Variants in IRF4 observed in about 807,000 individuals in gnomAD.
IRF4 encodes the protein interferon regulatory factor 4.
A neutral mutation model predicts 55.5 loss-of-function variants in IRF4; 13 were observed. The ratio of observed to expected loss-of-function variants is 0.23; its 90% CI spans 0.15 to 0.37. The LOEUF (loss-of-function observed/expected upper bound fraction) is 0.37. IRF4 is among the 10% of genes least tolerant of loss of function. The pLI is 1.00. For missense variants in IRF4, 397 were observed against 593.8 expected, an observed-to-expected ratio of 0.67 and a Z score of 3.44; for synonymous variants, 249 against 240.7, an observed-to-expected ratio of 1.03 and a Z score of -0.32.
chr6:399,502 T>TG (rs1554107052), intron 6 of IRF4, among the ~76,000 whole-genome samples: 6 of 144,352 alleles, frequency 4.2e-5, no homozygotes, highest in Non-Finnish European at 9.0e-5. Context: ...GTTTTATTTC[T>TG]AAAAAAAAAA....
intron 5 of IRF4, 42 bp from the exon 6 acceptor site, chr6:398,786 C>T: frequency 6.8e-7 from 1 of 1,479,378 alleles, no homozygotes; most frequent in South Asian, 1.2e-5. Flanking sequence ...GTGCGTCGGA[C>T]TCTCTGTCTA....
intron 5 of IRF4, 118 bp from the exon 6 acceptor site, chr6:398,710 G>A (rs1761327416): frequency 3.2e-6 from 2 of 633,426 alleles, no homozygotes; most frequent in East Asian, 5.7e-5. Flanking sequence ...GGAGTGGGTG[G>A]GAAGGTGATT....
Position 398,858 on chromosome 6 carries a change from G to C in IRF4, c.668G>C (p.Cys223Ser). 1 of 1,613,790 alleles carries C rather than the reference G, an allele frequency of 6.2e-7. No individual in the cohort carries two copies. Among genetic ancestry groups the C allele is most frequent in the Non-Finnish European group, 8.5e-7 (1 of 1,179,840 alleles). ...CAGGTGACAGGAACCTTTTATGCTT[G>C]TGCCCCACCTGAGTCCCAGGCTCCC... ...GCQVTGTFYACAPPESQAPGV... is the reference protein window; with the variant it reads ...GCQVTGTFYASAPPESQAPGV... The change falls in exon 6 of 9, where the codon TGT (cysteine) becomes TCT (serine). Residue 223 changes from cysteine to serine, a missense_variant. Cys to Ser is a moderately radical substitution (Grantham distance 112, BLOSUM62 -1). This residue lies in a region of IRF4 where 341 missense variants were observed against 548.1 expected (regional missense o/e 0.62). Coordinates refer to ENST00000380956, the MANE Select transcript of IRF4 (RefSeq NM_002460.4).
rs1211230882 is a variant in IRF4 at position 393,623 on chromosome 6, G to T, written c.216+255G>T. On this transcript the variant is annotated intron_variant, in intron 2 of 8. Coordinates refer to ENST00000380956, the MANE Select transcript of IRF4 (RefSeq NM_002460.4). The surrounding 1 kb of genome is among the most constrained non-coding windows in gnomAD (Gnocchi z 5.4). ...GGGAAACCGCTGAAGGCCCGGCCGGGCCCGGGGAAGGGCGGCCAAAGGCTT... is the reference window on the plus strand; with the variant it reads ...GGGAAACCGCTGAAGGCCCGGCCGGTCCCGGGGAAGGGCGGCCAAAGGCTT... Among the ~76,000 whole-genome samples, 2 of 152,152 alleles carry T rather than the reference G, an allele frequency of 1.3e-5. No homozygotes were observed. Among genetic ancestry groups the T allele is most frequent in the Admixed American group, 6.5e-5 (1 of 15,286 alleles).
rs748029348 is a variant in IRF4 at position 393,152 on chromosome 6, C to T, written c.-1C>T. The T allele has an allele frequency of 1.4e-5, 21 of 1,548,524 alleles. No individual in the cohort carries two copies. The highest frequency in any genetic ancestry group is 2.4e-5 in the East Asian group (1 of 40,952). On this transcript the variant is annotated 5_prime_UTR_variant, in exon 2 of 9. Transcript: ENST00000380956. The surrounding 1 kb of genome is among the most constrained non-coding windows in gnomAD (Gnocchi z 5.4). ...GCGCGGGCGCGGACGGCACGCGGGG[C>T]ATGAACCTGGAGGGCGGCGGCCGAG...
At chr6:398,994 T>A in intron 6 of IRF4, 59 bp downstream of exon 6, 1 of 1,234,018 alleles carries the variant, frequency 8.1e-7, no homozygotes, top group Non-Finnish European at 1.2e-6. Flanking sequence ...CTGCCAGCTC[T>A]GTCATCTTTG....
chr6:404,082 C>A (rs917229022), intron 7 of IRF4, among the ~76,000 whole-genome samples: 4 of 152,202 alleles, frequency 2.6e-5, no homozygotes, highest in Non-Finnish European at 5.9e-5. Flanking sequence ...TAGGGACAGC[C>A]CCCAGGGCCC....
intron 7 of IRF4, among the ~76,000 whole-genome samples, chr6:403,878 T>G (rs2127441364): frequency 6.6e-6 from 1 of 152,244 alleles, no homozygotes; most frequent in East Asian, 1.9e-4. Context: ...TTAGCCTGTG[T>G]AGGTGTAGTC....
At chr6:401,802 A>C (rs1561716269) in intron 7 of IRF4, 25 bp downstream of exon 7, 1 of 1,601,948 alleles carries the variant, frequency 6.2e-7, no homozygotes. Context: ...TATCTGTTAG[A>C]ATGGAGGTGG....
Position 408,248 on chromosome 6 carries a change from T to C in IRF4, c.*650T>C. 1 of 232,392 alleles carries C rather than the reference T, an allele frequency of 4.3e-6. No individual in the cohort carries two copies. Among genetic ancestry groups the C allele is most frequent in the African/African-American group, 2.2e-5 (1 of 45,382 alleles). The allele number at this position is 232,392 out of a possible 1,614,324, so 14.4% of individuals were successfully genotyped here. Reference sequence around the variant, plus strand: ...CACACGTAAAAGAAATGTATTAATGTATGTAGGAGCTGCAGTTCTTGTGGA... The same window carrying C: ...CACACGTAAAAGAAATGTATTAATGCATGTAGGAGCTGCAGTTCTTGTGGA... On this transcript the variant is annotated 3_prime_UTR_variant, in exon 9 of 9. Transcript: ENST00000380956.
In IRF4 at chr6:403,492, G is replaced by A. The variant is rs536393814; in HGVS notation, c.1100-1526G>A. On this transcript the variant is annotated intron_variant, in intron 7 of 8. Coordinates refer to ENST00000380956, the MANE Select transcript of IRF4 (RefSeq NM_002460.4). ...TGCTGGGCGTTTTTAGGGAGGTAGAGCCCCCGTGGTGACTAAGCTGGAAGG... is the reference window on the plus strand; with the variant it reads ...TGCTGGGCGTTTTTAGGGAGGTAGAACCCCCGTGGTGACTAAGCTGGAAGG... Among the ~76,000 whole-genome samples, 5 of 152,334 alleles carry A rather than the reference G, an allele frequency of 3.3e-5. No homozygotes were observed. In the East Asian group the frequency reaches 7.7e-4, roughly 23 times the overall value.
At chr6:404,414 C>A (rs888789539) in intron 7 of IRF4, among the ~76,000 whole-genome samples, 1 of 152,178 alleles carries the variant, frequency 6.6e-6, no homozygotes, top group African/African-American at 2.4e-5. Context: ...TGGAGACAGG[C>A]AAGAAGTCTA....
In IRF4 at chr6:391,806, C is replaced by G; in HGVS notation, c.-59C>G. On this transcript the variant is annotated 5_prime_UTR_variant, in exon 1 of 9. Transcript: ENST00000380956. ...GCTGCCCTCAGCTCCGAGTCCAGGG[C>G]GAGGTAAGGGCTGGAGTCGGGCAGG... The G allele has an allele frequency of 2.2e-6, 1 of 456,012 alleles. No individual in the cohort carries two copies. The highest frequency in any genetic ancestry group is 4.4e-6 in the Non-Finnish European group (1 of 226,886). 28.2% of individuals were successfully genotyped at this position (456,012 alleles called of 1,614,324 possible).
At position 411,040 on chromosome 6, in the gene IRF4, A is replaced by G. The variant is rs538779996; in HGVS notation, c.*3442A>G. 8.6e-5 allele frequency: 20 copies of G among 233,524 alleles called. No homozygotes were observed. The highest frequency in any genetic ancestry group is 4.4e-4 in the African/African-American group (20 of 45,452). 14.5% of individuals were successfully genotyped at this position (233,524 alleles called of 1,614,324 possible). On this transcript the variant is annotated 3_prime_UTR_variant, in exon 9 of 9. Coordinates refer to ENST00000380956, the MANE Select transcript of IRF4 (RefSeq NM_002460.4). ...TTCACAGCTTTGAGGAACATGCATA[A>G]GAAATGTAGCTGAAGTAGAGGGGAC...
chr6:394,612 G>A (rs999700699), intron 2 of IRF4, among the ~76,000 whole-genome samples: 16 of 152,178 alleles, frequency 1.1e-4, no homozygotes, highest in African/African-American at 3.9e-4. Context: ...AGCCAGGCAT[G>A]GTGGTGAACA....
chr6:407,346 A>T (rs1444080645), intron 8 of IRF4, 109 bp from the exon 9 acceptor site: 32 of 1,076,736 alleles, frequency 3.0e-5, no homozygotes, highest in Non-Finnish European at 3.4e-5. Flanking sequence ...GTGTTCTAGG[A>T]TGTAACTTTG....
intron 7 of IRF4, 22 bp from the exon 8 acceptor site, chr6:404,996 T>C (rs1298909318): frequency 1.3e-6 from 2 of 1,496,384 alleles, no homozygotes; most frequent in Non-Finnish European, 9.3e-7. Flanking sequence ...GAACATGGTC[T>C]CTTTCTTGTG....
intron 2 of IRF4, among the ~76,000 whole-genome samples, chr6:394,143 A>G (rs1229056317): frequency 2.6e-5 from 4 of 152,136 alleles, no homozygotes; most frequent in Non-Finnish European, 5.9e-5. Flanking sequence ...TTTGGTCTCA[A>G]TTTGCTCTCA....
intron 1 of IRF4, among the ~76,000 whole-genome samples, chr6:392,823 G>A (rs2127435814): frequency 6.6e-6 from 1 of 152,336 alleles, no homozygotes; most frequent in Non-Finnish European, 1.5e-5. Context: ...CGTGTCGGGA[G>A]CCTTTGGGCT....
Sources: gnomAD v4.1 joint callset for allele counts (sites outside exome capture counted in the v4.1 genomes callset) on GRCh38, gnomAD v4.1.1 for gene constraint, gnomAD v4.1.1 regional missense constraint, Gnocchi (gnomAD v3.1) non-coding constraint, MANE v1.5 for transcripts, NCBI Gene and HGNC (gene_info 2026-07-23, HGNC 2026-07-21) for gene names.